Variants in PAX7 observed in about 807,000 individuals in gnomAD.
The protein encoded by PAX7 is paired box 7, also known as paired box protein Pax-7.
In PAX7, 18 loss-of-function variants were observed where a neutral mutation model predicts 50.7. The observed-to-expected ratio is 0.36, with a 90% CI of 0.25 to 0.53. The LOEUF is 0.53. Ranked by LOEUF, PAX7 falls within the 20% of genes least tolerant of loss-of-function variation. The probability of loss-of-function intolerance (pLI) is 0.93; values close to 1 mark genes in which losing one functional copy is unlikely to be tolerated. For missense variants in PAX7, 644 were observed against 702.9 expected (o/e 0.92, Z 0.95); for synonymous variants, 310 against 290.4 (o/e 1.07, Z -0.69).
At chr1:18,697,937 G>A (rs562579950) in intron 5 of PAX7, among the ~76,000 whole-genome samples, 12 of 152,104 alleles carry the variant, frequency 7.9e-5, no homozygotes, top group Non-Finnish European at 1.5e-4. Flanking sequence ...ACAGAGAGGA[G>A]TCCCAGTAAA....
intron 5 of PAX7, among the ~76,000 whole-genome samples, chr1:18,696,553 T>A (rs2089152681): frequency 6.6e-6 from 1 of 152,086 alleles, no homozygotes; most frequent in African/African-American, 2.4e-5. Context: ...CACAGTGGAG[T>A]ACTATTCAGC....
Position 18,636,102 on chromosome 1 carries a change from T to C in PAX7, c.452-135T>C, listed in dbSNP as rs1436548269. On this transcript the variant is annotated intron_variant, in intron 3 of 8. Coordinates refer to ENST00000420770, the MANE Select transcript of PAX7 (RefSeq NM_001135254.2). This position sits in a 1 kb window ranked among gnomAD's most constrained non-coding sequence, Gnocchi z 5.1. ...GAGTACGTGTCAATGCCTAAATGCC[T>C]GTGTGTGGAAGAGGGATGAATGGAT... 2 of 896,318 alleles carry C rather than the reference T, an allele frequency of 2.2e-6. No homozygotes were observed. Among genetic ancestry groups the C allele is most frequent in the Non-Finnish European group, 3.5e-6 (2 of 572,776 alleles). The allele number at this position is 896,318 out of a possible 1,614,324, so 55.5% of individuals were successfully genotyped here. A position where few individuals can be genotyped will look rare whatever the true frequency, so the allele number is the denominator to read the frequency against.
At chr1:18,638,926 C>A (rs897508597) in intron 4 of PAX7, among the ~76,000 whole-genome samples, 6 of 152,184 alleles carry the variant, frequency 3.9e-5, no homozygotes, top group African/African-American at 1.2e-4. Flanking sequence ...TAGGGAGAGG[C>A]AGAGATGCCC....
rs368110071 is a variant in PAX7, at chr1:18,634,587, G to C, written c.321+49G>C. The C allele has an allele frequency of 1.1e-3, 1,695 of 1,544,536 alleles. 3 individuals carry two copies. Among genetic ancestry groups the C allele is most frequent in the Non-Finnish European group, 1.4e-3 (1,518 of 1,123,252 alleles). On this transcript the variant is annotated intron_variant, in intron 2 of 8. Coordinates refer to ENST00000420770, the MANE Select transcript of PAX7 (RefSeq NM_001135254.2). The surrounding 1 kb of genome is among the most constrained non-coding windows in gnomAD (Gnocchi z 4.0). ...TGGCAGCTGGCTTCCTATAGTCGGGGGCTCCTGGTTGTGGCCCCTCTTACT... is the reference window on the plus strand; with the variant it reads ...TGGCAGCTGGCTTCCTATAGTCGGGCGCTCCTGGTTGTGGCCCCTCTTACT...
At chr1:18,723,867 G>A (rs2089523634) in intron 7 of PAX7, among the ~76,000 whole-genome samples, 1 of 152,220 alleles carries the variant, frequency 6.6e-6, no homozygotes, top group African/African-American at 2.4e-5. Context: ...GTGGAGCAGA[G>A]CATTCCGGTC....
chr1:18,668,116 C>G (rs911914430), intron 4 of PAX7, among the ~76,000 whole-genome samples: 1 of 152,058 alleles, frequency 6.6e-6, no homozygotes, highest in African/African-American at 2.4e-5. Context: ...CAAGATGCAC[C>G]ACAGCCCCAT....
In PAX7 at chr1:18,641,404, G is replaced by T. The variant is rs970953768; in HGVS notation, c.586+5033G>T. On this transcript the variant is annotated intron_variant, in intron 4 of 8. Coordinates refer to ENST00000420770, the MANE Select transcript of PAX7 (RefSeq NM_001135254.2). ...GGGTGCCTTTGGGACTCCGTGGGGAGCCAAGAGGGGCTCCCCAGGGCGCGC... is the reference window on the plus strand; with the variant it reads ...GGGTGCCTTTGGGACTCCGTGGGGATCCAAGAGGGGCTCCCCAGGGCGCGC... Among the ~76,000 whole-genome samples the T allele has an allele frequency of 7.2e-5, 11 of 152,278 alleles. No homozygotes were observed. The South Asian group carries it at 1.2e-3, about 17-fold the overall frequency.
At chr1:18,737,238 G>T (rs1036232228) in intron 8 of PAX7, among the ~76,000 whole-genome samples, 1 of 152,258 alleles carries the variant, frequency 6.6e-6, no homozygotes, top group Non-Finnish European at 1.5e-5. Context: ...TCAGAAGGGC[G>T]TGTGGCAAGA....
At position 18,632,367 on chromosome 1, in the gene PAX7, G is replaced by T. The variant is rs2088068811; in HGVS notation, c.85+679G>T. 6.6e-6 allele frequency among the ~76,000 whole-genome samples: 1 copy of T among 152,080 alleles called. No individual in the cohort carries two copies. The highest frequency in any genetic ancestry group is 2.1e-4 in the South Asian group (1 of 4,832). ...ACCTCTAAACGGCGAGAGGGGCACG[G>T]CAATGTCCAAACGAGAAGAAAGAGC... On this transcript the variant is annotated intron_variant, in intron 1 of 8. Coordinates refer to ENST00000420770, the MANE Select transcript of PAX7 (RefSeq NM_001135254.2). This position sits in a 1 kb window ranked among gnomAD's most constrained non-coding sequence, Gnocchi z 6.3.
At chr1:18,711,191 T>C (rs1393749122) in intron 7 of PAX7, among the ~76,000 whole-genome samples, 1 of 152,174 alleles carries the variant, frequency 6.6e-6, no homozygotes, top group African/African-American at 2.4e-5. Context: ...GTTCTGCCAT[T>C]TACTAAATTG....
chr1:18,727,860 C>T (rs980280256), intron 7 of PAX7, among the ~76,000 whole-genome samples: 12 of 151,730 alleles, frequency 7.9e-5, no homozygotes, highest in Non-Finnish European at 1.3e-4. Flanking sequence ...GGTGTGGAGG[C>T]CATAAGCAGA....
chr1:18,658,732 G>C (rs180885716), intron 4 of PAX7, among the ~76,000 whole-genome samples: 1 of 152,248 alleles, frequency 6.6e-6, no homozygotes, highest in Non-Finnish European at 1.5e-5. Context: ...TGCAAGGAAG[G>C]TTTGCTGGTA....
chr1:18,717,534 A>G (rs1413841466), intron 7 of PAX7, among the ~76,000 whole-genome samples: 1 of 152,102 alleles, frequency 6.6e-6, no homozygotes, highest in African/African-American at 2.4e-5. Context: ...TGTTTGCTCC[A>G]GAAGTTTGCC....
rs145189796 is a variant in PAX7 at position 18,735,454 on chromosome 1, G to T, written c.1156-178G>T. 6.6e-6 allele frequency among the ~76,000 whole-genome samples: 1 copy of T among 152,310 alleles called. No individual in the cohort carries two copies. The highest frequency in any genetic ancestry group is 1.9e-4 in the East Asian group (1 of 5,186). ...TCAAGAGAAACACCGAAGACCAGCA[G>T]CCATCCCATGCATGAGGGCACGCAA... On this transcript the variant is annotated intron_variant, in intron 7 of 8. Coordinates refer to ENST00000420770, the MANE Select transcript of PAX7 (RefSeq NM_001135254.2). This position sits in a 1 kb window ranked among gnomAD's most constrained non-coding sequence, Gnocchi z 4.0.
chr1:18,654,016 T>C (rs1337347455), intron 4 of PAX7, among the ~76,000 whole-genome samples: 2 of 151,996 alleles, frequency 1.3e-5, no homozygotes, highest in African/African-American at 4.8e-5. Context: ...CAGGAGAGCC[T>C]TTCTTTCTCG....
chr1:18,723,195 T>G (rs2089515979), intron 7 of PAX7, among the ~76,000 whole-genome samples: 1 of 152,208 alleles, frequency 6.6e-6, no homozygotes, highest in Admixed American at 6.5e-5. Flanking sequence ...CTCAAGCTTC[T>G]CAAGCTTCTC....
chr1:18,736,141 T>A, intron 8 of PAX7: 1 of 639,110 alleles, frequency 1.6e-6, no homozygotes, highest in Non-Finnish European at 2.7e-6. Context: ...AAATATCACT[T>A]AACATTTCTA....
Position 18,745,201 on chromosome 1 carries a change from T to G in PAX7, c.*272T>G. On this transcript the variant is annotated 3_prime_UTR_variant, in exon 9 of 9. Transcript: ENST00000420770. ...GGTCCTCCCCTGTCAAATCCCATGG[T>G]GGCCTCTGTGCCATCTCAGGCATGG... The G allele has an allele frequency of 2.1e-6, 1 of 485,478 alleles. No individual in the cohort carries two copies. The highest frequency in any genetic ancestry group is 3.7e-6 in the Non-Finnish European group (1 of 269,464). The allele number at this position is 485,478 out of a possible 1,614,324, so 30.1% of individuals were successfully genotyped here.
At chr1:18,691,256 G>A (rs2089065645) in intron 4 of PAX7, among the ~76,000 whole-genome samples, 1 of 152,186 alleles carries the variant, frequency 6.6e-6, no homozygotes, top group Non-Finnish European at 1.5e-5. Flanking sequence ...TGGGATTACA[G>A]GCATGAGCCA....
Sources: gnomAD v4.1 joint callset for allele counts (sites outside exome capture counted in the v4.1 genomes callset) on GRCh38, gnomAD v4.1.1 for gene constraint, Gnocchi (gnomAD v3.1) non-coding constraint, MANE v1.5 for transcripts, NCBI Gene and HGNC (gene_info 2026-07-23, HGNC 2026-07-21) for gene names.